The following LCORL variants were observed in gnomAD, a reference collection of about 807,000 sequenced individuals.
LCORL encodes ligand-dependent nuclear receptor corepressor-like protein.
A neutral mutation model predicts 141.8 loss-of-function variants in LCORL; 41 were observed. The ratio of observed to expected loss-of-function variants is 0.29; its 90% CI spans 0.23 to 0.38. The LOEUF (loss-of-function observed/expected upper bound fraction) is 0.38. Among genes scored for constraint, LCORL ranks in the 10% least tolerant of loss-of-function variants. The pLI is 1.00. For missense variants in LCORL, 1,759 were observed against 2,035.0 expected, an observed-to-expected ratio of 0.86 and a Z score of 2.61; for synonymous variants, 618 against 694.1, an observed-to-expected ratio of 0.89 and a Z score of 1.72.
In LCORL at chr4:17,984,958, T is replaced by C. The variant is rs1718698186; in HGVS notation, c.155-12073A>G. ...CCAGAGATTCTGGTATGTTGTATTT[T>C]TGTTCTCATTAGTTTCACAGAACTT... On this transcript the variant is annotated intron_variant, in intron 1 of 7. Coordinates refer to ENST00000635767, the Ensembl canonical transcript of LCORL. Among the ~76,000 whole-genome samples, 4 of 152,328 alleles carry C rather than the reference T, an allele frequency of 2.6e-5. No individual in the cohort carries two copies. In the South Asian group the frequency reaches 8.3e-4, roughly 32 times the overall value.
chr4:17,957,218 A>C (rs1267787292), intron 4 of LCORL, among the ~76,000 whole-genome samples: 1 of 152,040 alleles, frequency 6.6e-6, no homozygotes, highest in Non-Finnish European at 1.5e-5. Flanking sequence ...TGTAGATGGA[A>C]TACTTTAATG....
At chr4:17,937,055 C>T (rs999156827) in intron 4 of LCORL, among the ~76,000 whole-genome samples, 2 of 152,104 alleles carry the variant, frequency 1.3e-5, no homozygotes, top group Admixed American at 6.5e-5. Context: ...TTTATAAAAT[C>T]ACATATATGA....
At chr4:18,006,859 A>G (rs180993700) in intron 1 of LCORL, among the ~76,000 whole-genome samples, 34 of 152,280 alleles carry the variant, frequency 2.2e-4, no homozygotes, top group African/African-American at 7.9e-4. Context: ...ATATTATTAT[A>G]TTATATGAAA....
At chr4:17,974,492 C>A (rs1229573398) in intron 1 of LCORL, among the ~76,000 whole-genome samples, 1 of 152,040 alleles carries the variant, frequency 6.6e-6, no homozygotes, top group Non-Finnish European at 1.5e-5. Context: ...TTCATTTTGC[C>A]AAGAACACAA....
Position 17,895,981 on chromosome 4 carries a change from T to C in LCORL, c.683-9820A>G, listed in dbSNP as rs192720186. 8.0e-4 allele frequency among the ~76,000 whole-genome samples: 122 copies of C among 152,330 alleles called. No individual in the cohort carries two copies. The Middle Eastern group carries it at 0.027, about 34-fold the overall frequency. ...GGTTGTTTGCACTTCTTGGCTATTATGAATAATGCTGTTATAAACATTTGT... is the reference window on the plus strand; with the variant it reads ...GGTTGTTTGCACTTCTTGGCTATTACGAATAATGCTGTTATAAACATTTGT... On this transcript the variant is annotated intron_variant, in intron 5 of 7. Coordinates refer to ENST00000635767, the Ensembl canonical transcript of LCORL.
intron 1 of LCORL, among the ~76,000 whole-genome samples, chr4:17,987,994 T>C (rs1386438100): frequency 2.6e-5 from 4 of 152,230 alleles, no homozygotes; most frequent in Admixed American, 6.5e-5. Context: ...TCTCATCTTG[T>C]AGCTCCCATA....
At chr4:17,914,093 C>T (rs935687898) in intron 4 of LCORL, among the ~76,000 whole-genome samples, 1 of 152,188 alleles carries the variant, frequency 6.6e-6, no homozygotes, top group Admixed American at 6.5e-5. Flanking sequence ...TATATTAGCA[C>T]ATGTAACCTA....
chr4:18,011,238 A>T (rs1047848610), intron 1 of LCORL, among the ~76,000 whole-genome samples: 3 of 152,098 alleles, frequency 2.0e-5, no homozygotes, highest in Non-Finnish European at 4.4e-5. Context: ...AGTTGTTCAG[A>T]GCCCAAGCAG....
chr4:17,929,493 G>T (rs747908353), intron 4 of LCORL, among the ~76,000 whole-genome samples: 2 of 152,076 alleles, frequency 1.3e-5, no homozygotes, highest in Non-Finnish European at 2.9e-5. Flanking sequence ...TTTTTGATGA[G>T]TACTAAAACA....
At chr4:17,950,531 C>T (rs1279360723) in intron 4 of LCORL, among the ~76,000 whole-genome samples, 1 of 152,060 alleles carries the variant, frequency 6.6e-6, no homozygotes, top group Non-Finnish European at 1.5e-5. Flanking sequence ...TAAGATGATA[C>T]TATTAGCCAA....
intron 7 of LCORL, among the ~76,000 whole-genome samples, chr4:17,859,432 T>C (rs1176869065): frequency 1.3e-5 from 2 of 152,044 alleles, no homozygotes; most frequent in Admixed American, 6.6e-5. Flanking sequence ...TTTTTAAAAA[T>C]GTGATATACA....
chr4:17,988,592 G>A (rs528022936), intron 1 of LCORL, among the ~76,000 whole-genome samples: 3 of 151,808 alleles, frequency 2.0e-5, no homozygotes, highest in Non-Finnish European at 4.4e-5. Context: ...AATATTCTTA[G>A]TAACATTTTA....
At chr4:17,916,748 A>C (rs1316504696) in intron 4 of LCORL, among the ~76,000 whole-genome samples, 1 of 147,976 alleles carries the variant, frequency 6.8e-6, no homozygotes, top group Non-Finnish European at 1.5e-5. Flanking sequence ...GGGCTCAAGC[A>C]ATTCTCATGT....
exon 7 of LCORL, chr4:17,875,199 C>G: frequency 8.1e-7 from 1 of 1,231,728 alleles, no homozygotes; most frequent in African/African-American, 1.6e-5. Flanking sequence ...AGGTGAAGTT[C>G]TATTAATAGT....
chr4:17,948,290 G>A (rs1739200717), intron 4 of LCORL, among the ~76,000 whole-genome samples: 2 of 151,954 alleles, frequency 1.3e-5, no homozygotes, highest in Admixed American at 6.6e-5. Context: ...TTTATGTAAG[G>A]AATCTGGGCC....
Position 17,976,350 on chromosome 4 carries a change from C to T in LCORL, c.155-3465G>A, listed in dbSNP as rs564740681. On this transcript the variant is annotated intron_variant, in intron 1 of 7. Coordinates refer to ENST00000635767, the Ensembl canonical transcript of LCORL. ...TTCCTCCCCATTCTCCACTCCACAACATTATTTTAAGTTAAATGAGAAGTT... is the reference window on the plus strand; with the variant it reads ...TTCCTCCCCATTCTCCACTCCACAATATTATTTTAAGTTAAATGAGAAGTT... Among the ~76,000 whole-genome samples the T allele has an allele frequency of 5.3e-5, 8 of 152,260 alleles. No individual in the cohort carries two copies. In the South Asian group the frequency reaches 1.7e-3, roughly 32 times the overall value.
chr4:17,966,119 A>G (rs1388838734), intron 2 of LCORL, among the ~76,000 whole-genome samples: 4 of 152,148 alleles, frequency 2.6e-5, no homozygotes, highest in Non-Finnish European at 5.9e-5. Context: ...GAGAAAAGAA[A>G]AATTCATAAT....
At position 18,021,722 on chromosome 4, in the gene LCORL, A is replaced by AGCG; in HGVS notation, c.27_29dup (p.Ala22dup). Reference sequence around the variant, plus strand: ...CGGCGGCGGCAGCAGCGGCGGCGGCAGCGGCCATTCTCTCTCTTCCCTTGT... The same window carrying AGCG: ...CGGCGGCGGCAGCAGCGGCGGCGGCAGCGGCGGCCATTCTCTCTCTTCCCTTGT... On this transcript the variant is annotated inframe_insertion, in exon 1 of 8. Transcript: ENST00000635767. The surrounding 1 kb of genome is among the most constrained non-coding windows in gnomAD (Gnocchi z 5.5). 1.3e-6 allele frequency: 2 copies of AGCG among 1,520,988 alleles called. No individual in the cohort carries two copies. The highest frequency in any genetic ancestry group is 1.8e-6 in the Non-Finnish European group (2 of 1,132,570). The allele number at this position is 1,520,988 out of a possible 1,614,324, so 94.2% of individuals were successfully genotyped here.
intron 4 of LCORL, among the ~76,000 whole-genome samples, chr4:17,948,624 G>C (rs557913923): frequency 2.0e-5 from 3 of 152,144 alleles, no homozygotes; most frequent in Admixed American, 2.0e-4. Context: ...TCACTATGAT[G>C]TGAGAGCCTG....
Sources: gnomAD v4.1 joint callset for allele counts (sites outside exome capture counted in the v4.1 genomes callset) on GRCh38, gnomAD v4.1.1 for gene constraint, Gnocchi (gnomAD v3.1) non-coding constraint, MANE v1.5 for transcripts, NCBI Gene and HGNC (gene_info 2026-07-23, HGNC 2026-07-21) for gene names.